The following PXDNL variants were observed in gnomAD, a reference collection of about 807,000 sequenced individuals.
The protein encoded by PXDNL is peroxidasin like, also known as probable oxidoreductase PXDNL.
PXDNL carries 145 observed loss-of-function variants against 150.8 expected under a neutral mutation model. The observed-to-expected ratio is 0.96, with a 90% CI of 0.84 to 1.10. The LOEUF (loss-of-function observed/expected upper bound fraction) is 1.10, where lower values mean the gene tolerates loss of function less well. Among genes scored for constraint, PXDNL ranks in the 50% least tolerant of loss-of-function variants. PXDNL has a pLI of 0.00. For missense variants in PXDNL, 2,087 were observed against 1,873.9 expected, an observed-to-expected ratio of 1.11 and a Z score of -2.10; for synonymous variants, 757 against 725.7, an observed-to-expected ratio of 1.04 and a Z score of -0.69.
chr8:51,329,740 T>C (rs913706936), intron 21 of PXDNL, among the ~76,000 whole-genome samples: 1 of 152,170 alleles, frequency 6.6e-6, no homozygotes, highest in Non-Finnish European at 1.5e-5. Flanking sequence ...ATAACAGAAA[T>C]GAAGAATGCC....
At chr8:51,462,540 C>T (rs1810106180) in intron 8 of PXDNL, among the ~76,000 whole-genome samples, 1 of 152,012 alleles carries the variant, frequency 6.6e-6, no homozygotes, top group Admixed American at 6.6e-5. Flanking sequence ...CAAGCTGAGG[C>T]AAGAATCTCA....
intron 1 of PXDNL, among the ~76,000 whole-genome samples, chr8:51,674,879 G>A (rs1815576843): frequency 6.6e-6 from 1 of 152,176 alleles, no homozygotes; most frequent in Non-Finnish European, 1.5e-5. Flanking sequence ...ATTCCAAAGT[G>A]TTTAGTTAAC....
intron 3 of PXDNL, among the ~76,000 whole-genome samples, chr8:51,574,181 C>G (rs1028684192): frequency 6.6e-6 from 1 of 151,848 alleles, no homozygotes; most frequent in Non-Finnish European, 1.5e-5. Context: ...CTGGAAATAA[C>G]TTTTTTAAAC....
At chr8:51,693,727 G>A (rs890291492) in intron 1 of PXDNL, among the ~76,000 whole-genome samples, 20 of 152,192 alleles carry the variant, frequency 1.3e-4, no homozygotes, top group African/African-American at 3.9e-4. Context: ...CCAAGCTCAC[G>A]CCACTGCACT....
intron 3 of PXDNL, among the ~76,000 whole-genome samples, chr8:51,564,980 TC>T (rs1404588159): frequency 6.6e-6 from 1 of 151,876 alleles, no homozygotes; most frequent in African/African-American, 2.4e-5. Flanking sequence ...TTTCCACATT[TC>T]ATTAGCTAAG....
intron 2 of PXDNL, among the ~76,000 whole-genome samples, chr8:51,627,777 T>C (rs1353800519): frequency 6.6e-6 from 1 of 152,174 alleles, no homozygotes; most frequent in Non-Finnish European, 1.5e-5. Flanking sequence ...TCAAAGGTAG[T>C]CTTGAAATCA....
At chr8:51,499,128 A>ATGTT (rs1018510679) in intron 5 of PXDNL, among the ~76,000 whole-genome samples, 25 of 151,992 alleles carry the variant, frequency 1.6e-4, no homozygotes, top group Middle Eastern at 6.8e-3. Context: ...CTGTAAGGTT[A>ATGTT]TGTTTGTTTG....
At chr8:51,484,870 C>T (rs554553778) in intron 5 of PXDNL, among the ~76,000 whole-genome samples, 6 of 152,220 alleles carry the variant, frequency 3.9e-5, no homozygotes, top group African/African-American at 1.4e-4. Flanking sequence ...GTCTAGTCAC[C>T]AGGACTACTG....
chr8:51,731,642 T>C (rs571488603), intron 1 of PXDNL, among the ~76,000 whole-genome samples: 3 of 152,380 alleles, frequency 2.0e-5, no homozygotes, highest in Admixed American at 6.5e-5. Flanking sequence ...ATTAGGGCTC[T>C]GCCCTGCAGC....
chr8:51,514,043 A>G (rs1006411108), intron 4 of PXDNL, among the ~76,000 whole-genome samples: 7 of 152,368 alleles, frequency 4.6e-5, no homozygotes, highest in African/African-American at 1.4e-4. Context: ...AGAGGAGGAC[A>G]TTCTGCCATG....
At chr8:51,780,908 C>T (rs1219202966) in intron 1 of PXDNL, among the ~76,000 whole-genome samples, 1 of 151,978 alleles carries the variant, frequency 6.6e-6, no homozygotes, top group Non-Finnish European at 1.5e-5. Context: ...GATCCACCTG[C>T]CTCGGCCTCC....
chr8:51,462,293 T>C (rs1271710444), intron 8 of PXDNL, among the ~76,000 whole-genome samples: 2 of 152,130 alleles, frequency 1.3e-5, no homozygotes, highest in African/African-American at 4.8e-5. Context: ...CAGCAATGGA[T>C]CCTAACCAGA....
chr8:51,787,082 G>A lies in PXDNL; in HGVS notation c.164+22099C>T, dbSNP rs774812724. ...GTTTACTGAATATTTTAAGTCTACT[G>A]CTGCAACCTACTTCCCAGAAAAAAA... is the stretch of plus-strand genomic sequence containing the variant. On this transcript the variant is annotated intron_variant, in intron 1 of 22. Transcript: ENST00000356297. Among the ~76,000 whole-genome samples, 67 of 137,894 alleles carry A rather than the reference G, an allele frequency of 4.9e-4. 1 individual carries two copies. The highest frequency in any genetic ancestry group is 4.0e-3 in the Middle Eastern group (1 of 252). The allele number at this position is 137,894 out of a possible 152,430, so 90.5% of individuals were successfully genotyped here. A position where few individuals can be genotyped will look rare whatever the true frequency, so the allele number is the denominator to read the frequency against.
intron 18 of PXDNL, 122 bp from the exon 19 acceptor site, chr8:51,372,203 A>C (rs1807143753): frequency 1.5e-6 from 1 of 652,086 alleles, no homozygotes; most frequent in African/African-American, 1.8e-5. Context: ...TGAAAGAATT[A>C]TGCTTGTTCT....
chr8:51,590,495 T>C (rs899702059), intron 3 of PXDNL, among the ~76,000 whole-genome samples: 1 of 152,168 alleles, frequency 6.6e-6, no homozygotes, highest in South Asian at 2.1e-4. Context: ...AGCAAAGACA[T>C]GGGGTCGTGG....
intron 1 of PXDNL, among the ~76,000 whole-genome samples, chr8:51,771,926 G>T (rs1296370363): frequency 2.0e-5 from 3 of 151,358 alleles, no homozygotes; most frequent in Non-Finnish European, 4.4e-5. Context: ...TATCTGCGAG[G>T]TTCTCTGACA....
At chr8:51,420,134 G>T (rs996972669) in intron 14 of PXDNL, among the ~76,000 whole-genome samples, 1 of 152,088 alleles carries the variant, frequency 6.6e-6, no homozygotes, top group South Asian at 2.1e-4. Context: ...AATTCCCAAG[G>T]TAAATTAGAA....
At chr8:51,398,493 G>A (rs1808155602) in intron 17 of PXDNL, among the ~76,000 whole-genome samples, 1 of 152,204 alleles carries the variant, frequency 6.6e-6, no homozygotes, top group African/African-American at 2.4e-5. Flanking sequence ...AATACCCAGA[G>A]AGCAGCCAGA....
At chr8:51,398,928 G>T (rs1245690325) in intron 17 of PXDNL, among the ~76,000 whole-genome samples, 5 of 152,056 alleles carry the variant, frequency 3.3e-5, no homozygotes, top group African/African-American at 1.2e-4. Context: ...AATGTAGAAA[G>T]AAAATTAAGA....
Sources: allele counts gnomAD v4.1 joint callset (sites outside exome capture counted in the v4.1 genomes callset), GRCh38; gene constraint gnomAD v4.1.1; transcripts MANE v1.5; gene names NCBI Gene and HGNC (gene_info 2026-07-23, HGNC 2026-07-21).